PDE9A: variants seen among roughly 807,000 people sequenced by gnomAD.
The protein encoded by PDE9A is high affinity cGMP-specific 3',5'-cyclic phosphodiesterase 9A.
PDE9A carries 60 observed loss-of-function variants against 87.4 expected under a neutral mutation model. The observed-to-expected ratio is 0.69, with a 90% CI of 0.56 to 0.85. The LOEUF is 0.85. Ranked by LOEUF, PDE9A falls within the 40% of genes least tolerant of loss-of-function variation. PDE9A has a pLI of 0.00. For synonymous variants in PDE9A, 272 were observed against 279.4 expected (o/e 0.97, Z 0.27); for missense variants, 665 against 779.0 (o/e 0.85, Z 1.74).
At chr21:42,737,694 G>A (rs1399161934) in intron 7 of PDE9A, among the ~76,000 whole-genome samples, 1 of 152,196 alleles carries the variant, frequency 6.6e-6, no homozygotes, top group Non-Finnish European at 1.5e-5. Context: ...CTGACCTCAG[G>A]TGATCGACCC....
At chr21:42,748,575 C>G (rs1338569338) in intron 8 of PDE9A, among the ~76,000 whole-genome samples, 6 of 152,164 alleles carry the variant, frequency 3.9e-5, no homozygotes, top group African/African-American at 1.2e-4. Flanking sequence ...GGAAAACCTC[C>G]AAACTACACT....
In PDE9A at chr21:42,762,238, A is replaced by T. The variant is rs1313248416; in HGVS notation, c.1241A>T (p.Gln414Leu). The T allele has an allele frequency of 6.2e-7, 1 of 1,613,706 alleles. No individual in the cohort carries two copies. Among genetic ancestry groups the T allele is most frequent in the East Asian group, 2.2e-5 (1 of 44,844 alleles). The change falls in exon 14 of 20, where the codon CAG becomes CTG. Residue 414 changes from glutamine to leucine, a missense_variant and splice_region_variant. Gln to Leu is a moderately radical substitution (Grantham distance 113). Transcript: ENST00000291539. ...CCTGATGGGTTCAAGCAGATCCGAC[A>T]GGTGTGTGGGGTGAGGGCCCTCCCA... ...IPPDGFKQIR[Q>L]GMITLILATD...
At chr21:42,741,541 C>G (rs2053260236) in intron 7 of PDE9A, 1 of 152,268 alleles carries the variant, frequency 6.6e-6, no homozygotes, top group South Asian at 2.1e-4. Context: ...CCCATGTCCT[C>G]TAGCTGTTGG....
chr21:42,706,721 C>T (rs2048868196), intron 4 of PDE9A, among the ~76,000 whole-genome samples: 1 of 152,046 alleles, frequency 6.6e-6, no homozygotes, highest in Non-Finnish European at 1.5e-5. Flanking sequence ...CTATTTAATT[C>T]CAGAACATTT....
chr21:42,653,835 C>G lies in PDE9A; in HGVS notation c.21C>G (p.Ser7Arg), dbSNP rs759339217. 2.6e-6 allele frequency: 4 copies of G among 1,568,376 alleles called. No homozygotes were observed. The South Asian group carries it at 4.7e-5, about 18-fold the overall frequency. ...GCAGGATGGGATCCGGCTCCTCCAG[C>G]TACCGGCCCAAGGCCATCTACCTGG... The part of the protein sequence containing the change: MGSGSS[S>R]YRPKAIYLDI... The change falls in exon 1 of 20, where the codon AGC (serine) becomes AGG (arginine). Residue 7 changes from serine to arginine, a missense_variant. Physicochemically the swap from Ser to Arg is moderately radical, Grantham distance 110. Transcript: ENST00000291539.
intron 1 of PDE9A, among the ~76,000 whole-genome samples, chr21:42,672,245 C>G (rs541936721): frequency 6.6e-6 from 1 of 152,360 alleles, no homozygotes; most frequent in South Asian, 2.1e-4. Flanking sequence ...GAAGGTCTGA[C>G]TTAGGTGCAG....
intron 1 of PDE9A, among the ~76,000 whole-genome samples, chr21:42,677,337 C>T (rs1411989576): frequency 1.3e-5 from 2 of 152,238 alleles, no homozygotes; most frequent in Non-Finnish European, 2.9e-5. Flanking sequence ...CAACCAACCT[C>T]AAAGCATGAC....
intron 1 of PDE9A, among the ~76,000 whole-genome samples, chr21:42,679,218 C>T (rs2059018437): frequency 6.6e-6 from 1 of 152,208 alleles, no homozygotes; most frequent in African/African-American, 2.4e-5. Flanking sequence ...TCCGGAATGC[C>T]TGCCCGCAGG....
intron 10 of PDE9A, chr21:42,758,446 C>G (rs776045589): frequency 5.3e-5 from 8 of 152,372 alleles, no homozygotes; most frequent in African/African-American, 1.9e-4. Context: ...CCCAGGGGGC[C>G]GCAGATGAAC....
intron 1 of PDE9A, among the ~76,000 whole-genome samples, chr21:42,666,204 C>T (rs545060885): frequency 5.9e-5 from 9 of 152,106 alleles, no homozygotes; most frequent in Admixed American, 1.3e-4. Context: ...TGGCTGCAGC[C>T]GGAAGGGCGT....
intron 7 of PDE9A, chr21:42,741,126 A>G (rs1450242817): frequency 6.6e-6 from 1 of 152,258 alleles, no homozygotes; most frequent in Non-Finnish European, 1.5e-5. Context: ...CGTGTGAACC[A>G]GACTGAGCTC....
rs899189250 is a variant in PDE9A, at chr21:42,692,065, G to A, written c.218+4071G>A. ...AAGTGATCTCACTTACTTGTTTGAG[G>A]TTCTCACTGCTGCTGGCCCCGCTGG... On this transcript the variant is annotated intron_variant, in intron 3 of 19. Coordinates refer to ENST00000291539, the MANE Select transcript of PDE9A (RefSeq NM_002606.3). This position sits in a 1 kb window ranked among gnomAD's most constrained non-coding sequence, Gnocchi z 4.3. Among the ~76,000 whole-genome samples, 4 of 152,332 alleles carry A rather than the reference G, an allele frequency of 2.6e-5. No individual in the cohort carries two copies. Among genetic ancestry groups the A allele is most frequent in the Middle Eastern group, 3.4e-3 (1 of 294 alleles).
At chr21:42,667,476 C>T (rs2058086318) in intron 1 of PDE9A, among the ~76,000 whole-genome samples, 1 of 152,084 alleles carries the variant, frequency 6.6e-6, no homozygotes, top group South Asian at 2.1e-4. Flanking sequence ...CACACCCCTC[C>T]CTCCCAGTTG....
chr21:42,676,369 A>G (rs979181946), intron 1 of PDE9A, among the ~76,000 whole-genome samples: 4 of 152,128 alleles, frequency 2.6e-5, no homozygotes, highest in Admixed American at 1.3e-4. Flanking sequence ...CCATCGCCGC[A>G]AGGCTGCCTC....
Position 42,735,833 on chromosome 21 carries a change from T to C in PDE9A, c.568+2407T>C, listed in dbSNP as rs373191247. Among the ~76,000 whole-genome samples the C allele has an allele frequency of 2.4e-4, 37 of 152,310 alleles. No individual in the cohort carries two copies. In the South Asian group the frequency reaches 3.3e-3, roughly 14 times the overall value. ...GGAGTAGGTTGTGAACAGATCTTTC[T>C]GGAGGACACAATTCAACCCACCACA... On this transcript the variant is annotated intron_variant, in intron 7 of 19. Coordinates refer to ENST00000291539, the MANE Select transcript of PDE9A (RefSeq NM_002606.3).
intron 1 of PDE9A, among the ~76,000 whole-genome samples, chr21:42,666,729 G>A (rs916458917): frequency 6.6e-6 from 1 of 152,148 alleles, no homozygotes; most frequent in Admixed American, 6.5e-5. Flanking sequence ...TTAAAGGCCC[G>A]GTCTCCAAAT....
intron 3 of PDE9A, chr21:42,689,561 T>C (rs2059673023): frequency 1.0e-6 from 1 of 985,376 alleles, no homozygotes; most frequent in African/African-American, 1.7e-5. Flanking sequence ...CCATGCCAGC[T>C]GGGTATCTGA....
chr21:42,759,156 A>G lies in PDE9A; in HGVS notation c.897+71A>G, dbSNP rs1349683855. The G allele has an allele frequency of 8.9e-7, 1 of 1,128,674 alleles. No homozygotes were observed. The highest frequency in any genetic ancestry group is 1.3e-6 in the Non-Finnish European group (1 of 745,760). The allele number at this position is 1,128,674 out of a possible 1,614,324, so 69.9% of individuals were successfully genotyped here. On this transcript the variant is annotated intron_variant, in intron 11 of 19. Transcript: ENST00000291539. This position sits in a 1 kb window ranked among gnomAD's most constrained non-coding sequence, Gnocchi z 7.2. ...ATCCAGTTCCACAGGAATGGAGGGA[A>G]TGGATCACCAGGGCACCTTCCGGAT...
At position 42,722,692 on chromosome 21, in the gene PDE9A, G is replaced by C. The variant is rs1777551213; in HGVS notation, c.263-9078G>C. On this transcript the variant is annotated intron_variant, in intron 4 of 19. Coordinates refer to ENST00000291539, the MANE Select transcript of PDE9A (RefSeq NM_002606.3). The surrounding 1 kb of genome is among the most constrained non-coding windows in gnomAD (Gnocchi z 4.1). ...ACATTCCCATCAGCTCAGGTGCGTG[G>C]AGGACGGAAGAACTGCTGTTGCTGC... Among the ~76,000 whole-genome samples, 1 of 152,202 alleles carries C rather than the reference G, an allele frequency of 6.6e-6. No individual in the cohort carries two copies. Among genetic ancestry groups the C allele is most frequent in the Admixed American group, 6.5e-5 (1 of 15,268 alleles).
Sources: allele counts gnomAD v4.1 joint callset (sites outside exome capture counted in the v4.1 genomes callset), GRCh38; gene constraint gnomAD v4.1.1; non-coding constraint Gnocchi (gnomAD v3.1); transcripts MANE v1.5; gene names NCBI Gene and HGNC (gene_info 2026-07-23, HGNC 2026-07-21).